The following RPTOR variants were observed in gnomAD, a reference collection of about 807,000 sequenced individuals.
RPTOR encodes the protein regulatory-associated protein of mTOR.
In RPTOR, 21 loss-of-function variants were observed where a neutral mutation model predicts 169.9. The ratio of observed to expected loss-of-function variants is 0.12; its 90% confidence interval spans 0.09 to 0.18. RPTOR has a LOEUF of 0.18. Ranked by LOEUF, RPTOR falls within the 10% of genes least tolerant of loss-of-function variation. The pLI is 1.00. For missense variants in RPTOR, 1,133 were observed against 1,855.9 expected (o/e 0.61, Z 7.16); for synonymous variants, 732 against 753.2 (o/e 0.97, Z 0.46).
Position 80,730,994 on chromosome 17 carries a change from C to A in RPTOR, c.654+288C>A, listed in dbSNP as rs541829018. Among the ~76,000 whole-genome samples, 1 of 152,186 alleles carries A rather than the reference C, an allele frequency of 6.6e-6. No individual in the cohort carries two copies. Among genetic ancestry groups the A allele is most frequent in the Non-Finnish European group, 1.5e-5 (1 of 68,030 alleles). On this transcript the variant is annotated intron_variant, in intron 5 of 33. Coordinates refer to ENST00000306801, the MANE Select transcript of RPTOR (RefSeq NM_020761.3). The surrounding 1 kb of genome is among the most constrained non-coding windows in gnomAD (Gnocchi z 4.2). ...GCCCAAGCAATCTTCCCTTCTCAGCCTCCTGAGTAGCTGAGACTACAGGTG... is the reference window on the plus strand; with the variant it reads ...GCCCAAGCAATCTTCCCTTCTCAGCATCCTGAGTAGCTGAGACTACAGGTG...
At chr17:80,545,821 C>G (rs1297909032) in intron 1 of RPTOR, 30 bp downstream of exon 1, 2 of 1,534,066 alleles carry the variant, frequency 1.3e-6, no homozygotes, top group Non-Finnish European at 1.8e-6. Context: ...ACCCCTTGAA[C>G]TTGGTAGTTT....
intron 6 of RPTOR, among the ~76,000 whole-genome samples, chr17:80,772,580 G>A (rs1438908856): frequency 1.6e-5 from 2 of 125,246 alleles, no homozygotes; most frequent in African/African-American, 3.0e-5. Flanking sequence ...CTGGTCTTCA[G>A]TGCCTCCCTG....
chr17:80,728,446 G>GGGGTGTGTGTGTGTGTGTGTGTGTGT (rs1555612016), intron 4 of RPTOR, among the ~76,000 whole-genome samples: 1 of 148,176 alleles, frequency 6.7e-6, no homozygotes, highest in South Asian at 2.2e-4. Context: ...TCCACTCTGG[G>GGGGTGTGTGTGTGTGTGTGTGTGTGT]GTGTGTGTGT....
At chr17:80,619,057 G>A (rs961521275) in intron 1 of RPTOR, among the ~76,000 whole-genome samples, 1 of 152,140 alleles carries the variant, frequency 6.6e-6, no homozygotes, top group Non-Finnish European at 1.5e-5. Context: ...ATGCATTTGT[G>A]TAGCTTCGGC....
chr17:80,911,955 C>T (rs761028182), intron 21 of RPTOR, among the ~76,000 whole-genome samples: 4 of 152,144 alleles, frequency 2.6e-5, no homozygotes, highest in South Asian at 2.1e-4. Context: ...CAACCGGTCC[C>T]GAGGCCTCTC....
chr17:80,580,723 A>C (rs1224299816), intron 1 of RPTOR, among the ~76,000 whole-genome samples: 2 of 152,160 alleles, frequency 1.3e-5, no homozygotes, highest in African/African-American at 2.4e-5. Flanking sequence ...CCTCAGCTCC[A>C]GCAATCTTCC....
At chr17:80,666,923 G>A (rs145482613) in intron 3 of RPTOR, among the ~76,000 whole-genome samples, 186 of 152,242 alleles carry the variant, frequency 1.2e-3, no homozygotes, top group African/African-American at 4.3e-3. Flanking sequence ...GGCCACTACC[G>A]TATCCTCAGA....
intron 33 of RPTOR, among the ~76,000 whole-genome samples, chr17:80,963,396 G>A (rs1245626910): frequency 3.4e-5 from 5 of 147,824 alleles, no homozygotes; most frequent in South Asian, 2.2e-4. Flanking sequence ...CCCTCACCCC[G>A]TCCCCTGTGC....
intron 1 of RPTOR, among the ~76,000 whole-genome samples, chr17:80,568,832 C>G (rs2064872947): frequency 1.3e-5 from 2 of 152,096 alleles, no homozygotes; most frequent in African/African-American, 4.8e-5. Flanking sequence ...TCTATAGTAT[C>G]TAACATGCTC....
intron 5 of RPTOR, among the ~76,000 whole-genome samples, chr17:80,731,902 C>A (rs1475561868): frequency 6.6e-6 from 1 of 152,122 alleles, no homozygotes; most frequent in Non-Finnish European, 1.5e-5. Flanking sequence ...ATTATTAATT[C>A]TTTATGTGGA....
chr17:80,802,934 A>C (rs941667438), intron 7 of RPTOR: 1 of 152,410 alleles, frequency 6.6e-6, no homozygotes, highest in Non-Finnish European at 1.5e-5. Context: ...GTAGTTCAGC[A>C]GGTGCACCTC....
At chr17:80,853,556 C>T (rs983572512) in intron 11 of RPTOR, among the ~76,000 whole-genome samples, 2 of 152,174 alleles carry the variant, frequency 1.3e-5, no homozygotes, top group African/African-American at 4.8e-5. Flanking sequence ...GCAGCACCTG[C>T]CCCATAAACA....
chr17:80,935,784 A>T (rs987332579), intron 24 of RPTOR, among the ~76,000 whole-genome samples: 5 of 152,158 alleles, frequency 3.3e-5, no homozygotes, highest in African/African-American at 1.2e-4. Context: ...CAGAAAAAAA[A>T]ATATTTCTGA....
chr17:80,743,836 C>CTGTCCTGGTTACG (rs2066518602), intron 5 of RPTOR, among the ~76,000 whole-genome samples: 1 of 94,516 alleles, frequency 1.1e-5, no homozygotes, highest in African/African-American at 3.6e-5. Flanking sequence ...GCTACTAGCA[C>CTGTCCTGGTTACG]AGCCCTGGTT....
At chr17:80,781,820 G>C (rs937320502) in intron 6 of RPTOR, among the ~76,000 whole-genome samples, 6 of 152,218 alleles carry the variant, frequency 3.9e-5, no homozygotes, top group Non-Finnish European at 8.8e-5. Flanking sequence ...AGGGACTTTT[G>C]TTTGCGTCTT....
intron 4 of RPTOR, among the ~76,000 whole-genome samples, chr17:80,724,056 G>C (rs1310645391): frequency 1.3e-5 from 2 of 151,382 alleles, no homozygotes; most frequent in Non-Finnish European, 2.9e-5. Context: ...GCTGAAGAAA[G>C]TATAAATCAG....
At chr17:80,824,721 G>A (rs1357003254) in intron 9 of RPTOR, among the ~76,000 whole-genome samples, 2 of 152,222 alleles carry the variant, frequency 1.3e-5, no homozygotes, top group African/African-American at 4.8e-5. Context: ...AGACTTGCAG[G>A]TTCCCTTACC....
chr17:80,569,381 C>T (rs143996935), intron 1 of RPTOR, among the ~76,000 whole-genome samples: 10 of 152,072 alleles, frequency 6.6e-5, no homozygotes, highest in Non-Finnish European at 1.2e-4. Context: ...AGGTCTAGGC[C>T]GGGCGTGGTG....
intron 11 of RPTOR, among the ~76,000 whole-genome samples, chr17:80,850,376 C>T (rs1318587219): frequency 6.6e-6 from 1 of 152,216 alleles, no homozygotes; most frequent in Non-Finnish European, 1.5e-5. Flanking sequence ...CATGTTGATG[C>T]AACAGACACG....
Sources: allele counts gnomAD v4.1 joint callset (sites outside exome capture counted in the v4.1 genomes callset), GRCh38; gene constraint gnomAD v4.1.1; non-coding constraint Gnocchi (gnomAD v3.1); transcripts MANE v1.5; gene names NCBI Gene and HGNC (gene_info 2026-07-23, HGNC 2026-07-21).